Variants in HS6ST3 observed in about 807,000 individuals in gnomAD.
HS6ST3 encodes heparan-sulfate 6-O-sulfotransferase 3.
In HS6ST3, 12 loss-of-function variants were observed where a neutral mutation model predicts 36.7. That is an observed-to-expected ratio of 0.33 (90% CI 0.21 to 0.53). The LOEUF is 0.53. Ranked by LOEUF, HS6ST3 falls within the 20% of genes least tolerant of loss-of-function variation. HS6ST3 has a pLI of 0.95. For synonymous variants in HS6ST3, 240 were observed against 257.5 expected, an observed-to-expected ratio of 0.93 and a Z score of 0.65; for missense variants, 584 against 640.9, an observed-to-expected ratio of 0.91 and a Z score of 0.96.
At chr13:96,723,840 T>G (rs1434185094) in intron 1 of HS6ST3, among the ~76,000 whole-genome samples, 5 of 152,224 alleles carry the variant, frequency 3.3e-5, no homozygotes, top group Non-Finnish European at 5.9e-5. Context: ...AAAGATCTTT[T>G]TAATGGTCTC....
chr13:96,712,025 A>G (rs1465821097), intron 1 of HS6ST3, among the ~76,000 whole-genome samples: 8 of 152,214 alleles, frequency 5.3e-5, no homozygotes, highest in African/African-American at 1.7e-4. Flanking sequence ...AATATAAAAT[A>G]TATGTATTGT....
chr13:96,364,465 T>C (rs2055253779), intron 1 of HS6ST3, among the ~76,000 whole-genome samples: 1 of 152,198 alleles, frequency 6.6e-6, no homozygotes, highest in Non-Finnish European at 1.5e-5. Flanking sequence ...GCAACAGGGA[T>C]GCACCTTGAA....
chr13:96,799,960 A>G (rs200485467), intron 1 of HS6ST3, among the ~76,000 whole-genome samples: 49 of 82,864 alleles, frequency 5.9e-4, no homozygotes, highest in Admixed American at 1.7e-3. Context: ...ATATATATAT[A>G]TATGTGTATA....
At chr13:96,178,580 G>C (rs1254055844) in intron 1 of HS6ST3, among the ~76,000 whole-genome samples, 1 of 151,980 alleles carries the variant, frequency 6.6e-6, no homozygotes, top group African/African-American at 2.4e-5. Flanking sequence ...AGGGTGAGAA[G>C]TGTTCTTAAA....
At chr13:96,757,172 T>C (rs1876852064) in intron 1 of HS6ST3, among the ~76,000 whole-genome samples, 2 of 152,194 alleles carry the variant, frequency 1.3e-5, no homozygotes, top group Non-Finnish European at 2.9e-5. Context: ...AGTGAGTCTA[T>C]ACAACATAAT....
At chr13:96,413,374 T>C (rs1001441469) in intron 1 of HS6ST3, among the ~76,000 whole-genome samples, 2 of 152,216 alleles carry the variant, frequency 1.3e-5, no homozygotes, top group African/African-American at 4.8e-5. Flanking sequence ...AATTATTTTA[T>C]CTTTAGAATG....
chr13:96,348,620 G>A (rs2055167209), intron 1 of HS6ST3, among the ~76,000 whole-genome samples: 1 of 152,198 alleles, frequency 6.6e-6, no homozygotes, highest in African/African-American at 2.4e-5. Flanking sequence ...CCCTCACAGA[G>A]GTACTTGAGC....
At chr13:96,365,892 G>A (rs572265716) in intron 1 of HS6ST3, among the ~76,000 whole-genome samples, 1 of 152,224 alleles carries the variant, frequency 6.6e-6, no homozygotes, top group Non-Finnish European at 1.5e-5. Flanking sequence ...TAAGTCAAAA[G>A]CCCTGAACCT....
chr13:96,476,133 G>C (rs2055863008), intron 1 of HS6ST3, among the ~76,000 whole-genome samples: 1 of 152,152 alleles, frequency 6.6e-6, no homozygotes, highest in Admixed American at 6.5e-5. Flanking sequence ...GCTGGTGAAA[G>C]GTGTTAAATT....
At chr13:96,460,427 C>T (rs2139491531) in intron 1 of HS6ST3, among the ~76,000 whole-genome samples, 1 of 152,208 alleles carries the variant, frequency 6.6e-6, no homozygotes, top group Non-Finnish European at 1.5e-5. Flanking sequence ...GGAATTGTTT[C>T]CTTCTCAGAG....
At chr13:96,257,347 A>T (rs1259083951) in intron 1 of HS6ST3, among the ~76,000 whole-genome samples, 2 of 152,150 alleles carry the variant, frequency 1.3e-5, no homozygotes, top group Non-Finnish European at 2.9e-5. Context: ...AAAGTCAAAG[A>T]TTATTTATAG....
intron 1 of HS6ST3, among the ~76,000 whole-genome samples, chr13:96,389,016 A>G (rs1297575769): frequency 6.6e-6 from 1 of 152,230 alleles, no homozygotes; most frequent in Non-Finnish European, 1.5e-5. Context: ...ACATAGCTGG[A>G]AAAACATTGT....
chr13:96,645,559 A>G (rs17689793), intron 1 of HS6ST3, among the ~76,000 whole-genome samples: 8,383 of 151,582 alleles, frequency 0.055, 258 homozygotes, highest in Middle Eastern at 0.088. Context: ...TGAAATCTCC[A>G]TAAGTGTGTT....
chr13:96,526,156 A>G (rs961580164), intron 1 of HS6ST3, among the ~76,000 whole-genome samples: 4 of 152,136 alleles, frequency 2.6e-5, no homozygotes, highest in African/African-American at 9.7e-5. Flanking sequence ...CTTGTTCAGT[A>G]TGTTAAAGGT....
chr13:96,124,142 A>G (rs1014469851), intron 1 of HS6ST3, among the ~76,000 whole-genome samples: 4 of 152,222 alleles, frequency 2.6e-5, no homozygotes, highest in Non-Finnish European at 5.9e-5. Context: ...AAGAGAAAGT[A>G]AAATGTTCAG....
At chr13:96,237,322 C>T (rs1039348755) in intron 1 of HS6ST3, among the ~76,000 whole-genome samples, 1 of 152,142 alleles carries the variant, frequency 6.6e-6, no homozygotes, top group African/African-American at 2.4e-5. Flanking sequence ...ATCATTCTCC[C>T]CTTTTATTAC....
intron 1 of HS6ST3, among the ~76,000 whole-genome samples, chr13:96,762,586 A>G (rs1400076247): frequency 2.6e-5 from 4 of 152,182 alleles, no homozygotes; most frequent in African/African-American, 9.6e-5. Context: ...CTTCAGTTGT[A>G]CTAATCTCTC....
At chr13:96,543,558 C>G (rs1421879101) in intron 1 of HS6ST3, among the ~76,000 whole-genome samples, 1 of 152,188 alleles carries the variant, frequency 6.6e-6, no homozygotes, top group Non-Finnish European at 1.5e-5. Context: ...TGCCTTCTCC[C>G]TATGGATCAT....
chr13:96,391,254 C>CT (rs1245263117), intron 1 of HS6ST3, among the ~76,000 whole-genome samples: 2 of 152,060 alleles, frequency 1.3e-5, no homozygotes, highest in African/African-American at 2.4e-5. Context: ...TTTGTGTTTG[C>CT]TTTTTTTGGC....
Sources: gnomAD v4.1 joint callset for allele counts (sites outside exome capture counted in the v4.1 genomes callset) on GRCh38, gnomAD v4.1.1 for gene constraint, MANE v1.5 for transcripts, NCBI Gene and HGNC (gene_info 2026-07-23, HGNC 2026-07-21) for gene names.